The following KCNN2 variants were observed in gnomAD, a reference collection of about 807,000 sequenced individuals.
KCNN2 encodes small conductance calcium-activated potassium channel protein 2.
KCNN2 carries 24 observed loss-of-function variants against 55.5 expected under a neutral mutation model. That is an observed-to-expected ratio of 0.43 (90% CI 0.31 to 0.61). KCNN2 has a LOEUF of 0.61. KCNN2 is among the 20% of genes least tolerant of loss of function. The pLI, the probability that KCNN2 is intolerant of heterozygous loss-of-function variation, is 0.08. For synonymous variants in KCNN2, 431 were observed against 336.1 expected (o/e 1.28, Z -3.09); for missense variants, 754 against 853.6 (o/e 0.88, Z 1.45).
At chr5:114,200,211 A>T (rs569892925) in intron 1 of KCNN2, among the ~76,000 whole-genome samples, 68 of 151,500 alleles carry the variant, frequency 4.5e-4, no homozygotes, top group African/African-American at 1.6e-3. Flanking sequence ...CTTTTTTTTT[A>T]TTTTTGTCTT....
chr5:114,112,564 C>A (rs1314725755), intron 1 of KCNN2, among the ~76,000 whole-genome samples: 1 of 152,032 alleles, frequency 6.6e-6, no homozygotes, highest in African/African-American at 2.4e-5. Flanking sequence ...TTTCACCAAT[C>A]ATTTATGGTG....
chr5:114,452,362 T>C (rs1379654314), intron 3 of KCNN2, among the ~76,000 whole-genome samples: 2 of 152,224 alleles, frequency 1.3e-5, no homozygotes, highest in Admixed American at 1.3e-4. Context: ...GTTGCATATA[T>C]TTTTCTTTGA....
intron 1 of KCNN2, among the ~76,000 whole-genome samples, chr5:114,182,746 A>T (rs900792343): frequency 6.6e-6 from 1 of 152,122 alleles, no homozygotes; most frequent in Non-Finnish European, 1.5e-5. Flanking sequence ...TGCTAAATTC[A>T]TCAATTGGTT....
At chr5:114,177,997 C>T (rs1753169597) in intron 1 of KCNN2, among the ~76,000 whole-genome samples, 1 of 152,166 alleles carries the variant, frequency 6.6e-6, no homozygotes, top group South Asian at 2.1e-4. Flanking sequence ...GTAATTTTAT[C>T]ATATGACATT....
At chr5:114,296,211 G>A (rs909063190) in intron 2 of KCNN2, among the ~76,000 whole-genome samples, 2 of 152,160 alleles carry the variant, frequency 1.3e-5, no homozygotes, top group Non-Finnish European at 1.5e-5. Context: ...AGTTAAAGGA[G>A]GGAGAATGAG....
At chr5:114,110,505 G>A (rs533659136) in intron 1 of KCNN2, among the ~76,000 whole-genome samples, 1 of 152,134 alleles carries the variant, frequency 6.6e-6, no homozygotes, top group East Asian at 1.9e-4. Flanking sequence ...AGAGACCCTA[G>A]AATCCAAAAA....
intron 1 of KCNN2, among the ~76,000 whole-genome samples, chr5:114,153,449 G>T (rs1171118117): frequency 6.6e-6 from 1 of 152,104 alleles, no homozygotes; most frequent in African/African-American, 2.4e-5. Flanking sequence ...AAGCATATGA[G>T]TTAGTTTGCC....
intron 1 of KCNN2, among the ~76,000 whole-genome samples, chr5:114,129,135 C>G (rs1237924136): frequency 1.3e-5 from 2 of 152,140 alleles, no homozygotes; most frequent in Non-Finnish European, 2.9e-5. Context: ...GATAGAGTAG[C>G]AGTTGTCTTT....
rs189295495 is a variant in KCNN2 at position 114,273,460 on chromosome 5, G to T, written c.-185+51895G>T. ...TGCTGCACTCTCTACCACAATGGTT[G>T]AACTAATTTACACTCCTACCACGTT... On this transcript the variant is annotated intron_variant, in intron 2 of 10. Transcript: ENST00000512097. 4.6e-5 allele frequency among the ~76,000 whole-genome samples: 7 copies of T among 152,244 alleles called. No homozygotes were observed. In the East Asian group the frequency reaches 1.4e-3, roughly 29 times the overall value.
At chr5:114,060,493 T>A (rs1398633863) in intron 1 of KCNN2, among the ~76,000 whole-genome samples, 1 of 151,936 alleles carries the variant, frequency 6.6e-6, no homozygotes, top group Non-Finnish European at 1.5e-5. Context: ...AAATGAAGAA[T>A]TTTTTTTGCT....
chr5:114,358,938 C>T (rs762043306), upstream of KCNN2, among the ~76,000 whole-genome samples: 1 of 151,986 alleles, frequency 6.6e-6, no homozygotes, highest in Non-Finnish European at 1.5e-5. Context: ...CTGTTATAAC[C>T]TAATAGTGTA....
chr5:114,316,253 A>T (rs1375210690), intron 2 of KCNN2, among the ~76,000 whole-genome samples: 3 of 152,082 alleles, frequency 2.0e-5, no homozygotes, highest in Non-Finnish European at 1.5e-5. Flanking sequence ...TTTAGTAATA[A>T]TTTTTCCCAT....
At chr5:114,176,285 T>C (rs1753130154) in intron 1 of KCNN2, among the ~76,000 whole-genome samples, 1 of 152,166 alleles carries the variant, frequency 6.6e-6, no homozygotes, top group Non-Finnish European at 1.5e-5. Context: ...TGGTTGAGAA[T>C]CACCTCAGAC....
chr5:114,215,941 A>G (rs957874976), intron 1 of KCNN2, among the ~76,000 whole-genome samples: 1 of 152,170 alleles, frequency 6.6e-6, no homozygotes, highest in Non-Finnish European at 1.5e-5. Context: ...AAGCATTTTA[A>G]TGAACTAGCC....
chr5:114,161,491 C>G (rs952487402), intron 1 of KCNN2, among the ~76,000 whole-genome samples: 4 of 151,596 alleles, frequency 2.6e-5, no homozygotes, highest in Non-Finnish European at 5.9e-5. Flanking sequence ...TGGAGTTGCT[C>G]TTCTCGAGGA....
At chr5:114,368,948 G>T (rs544388099) in intron 2 of KCNN2, among the ~76,000 whole-genome samples, 2 of 151,956 alleles carry the variant, frequency 1.3e-5, no homozygotes, top group Non-Finnish European at 2.9e-5. Flanking sequence ...TCTGAGAGCC[G>T]ATAGGCAAAT....
chr5:114,166,402 T>C, intron 1 of KCNN2, among the ~76,000 whole-genome samples: 1 of 152,180 alleles, frequency 6.6e-6, no homozygotes, highest in East Asian at 1.9e-4. Context: ...CTTCGCGGTA[T>C]GTCTCTGATC....
chr5:114,087,350 C>A (rs1340636214), intron 1 of KCNN2, among the ~76,000 whole-genome samples: 1 of 151,996 alleles, frequency 6.6e-6, no homozygotes, highest in African/African-American at 2.4e-5. Flanking sequence ...AATTCTTTCC[C>A]AAGGCTCATG....
At chr5:114,466,817 A>C (rs1323792398) in intron 4 of KCNN2, among the ~76,000 whole-genome samples, 1 of 152,194 alleles carries the variant, frequency 6.6e-6, no homozygotes, top group Non-Finnish European at 1.5e-5. Flanking sequence ...GACAACATCT[A>C]GCATGACTCC....
Sources: allele counts gnomAD v4.1 joint callset (sites outside exome capture counted in the v4.1 genomes callset), GRCh38; gene constraint gnomAD v4.1.1; transcripts MANE v1.5; gene names NCBI Gene and HGNC (gene_info 2026-07-23, HGNC 2026-07-21).